The following GABRG3 variants were observed in gnomAD, a reference collection of about 807,000 sequenced individuals.
GABRG3 encodes gamma-aminobutyric acid receptor subunit gamma-3.
In GABRG3, 25 loss-of-function variants were observed where a neutral mutation model predicts 48.8. The ratio of observed to expected loss-of-function variants is 0.51; its 90% CI spans 0.37 to 0.72. The LOEUF (loss-of-function observed/expected upper bound fraction) is 0.72, where lower values mean the gene tolerates loss of function less well. GABRG3 is among the 30% of genes least tolerant of loss of function. The pLI is 0.00. For missense variants in GABRG3, 394 were observed against 577.9 expected (o/e 0.68, Z 3.26); for synonymous variants, 227 against 217.6 (o/e 1.04, Z -0.38).
At chr15:27,122,220 A>C (rs1232050042) in intron 3 of GABRG3, among the ~76,000 whole-genome samples, 2 of 152,204 alleles carry the variant, frequency 1.3e-5, no homozygotes, top group East Asian at 3.8e-4. Flanking sequence ...GTACCCCATA[A>C]ATATATACAC....
At chr15:27,172,143 C>T (rs1168898532) in intron 3 of GABRG3, among the ~76,000 whole-genome samples, 16 of 152,168 alleles carry the variant, frequency 1.1e-4, no homozygotes, top group Non-Finnish European at 2.9e-5. Context: ...AGTTAAATTT[C>T]AACATGAGTT....
chr15:27,369,036 G>A (rs1157749134), intron 5 of GABRG3, among the ~76,000 whole-genome samples: 1 of 152,140 alleles, frequency 6.6e-6, no homozygotes, highest in Non-Finnish European at 1.5e-5. Context: ...AGTTTTATAT[G>A]TTCACCATCC....
intron 5 of GABRG3, among the ~76,000 whole-genome samples, chr15:27,428,678 C>G (rs1007601490): frequency 6.6e-6 from 1 of 152,090 alleles, no homozygotes; most frequent in African/African-American, 2.4e-5. Flanking sequence ...ATTTGTCCAC[C>G]AGACAAAAAT....
At position 27,352,661 on chromosome 15, in the gene GABRG3, C is replaced by A. The variant is rs1177881431; in HGVS notation, c.574+23773C>A. On this transcript the variant is annotated intron_variant, in intron 5 of 9. Transcript: ENST00000615808. The surrounding 1 kb of genome is among the most constrained non-coding windows in gnomAD (Gnocchi z 4.0). ...AGGAAGCCCCCTGCCAAGGCAGCAG[C>A]CACATACCAAACCGTTGGGTGATAT... Among the ~76,000 whole-genome samples the A allele has an allele frequency of 6.6e-6, 1 of 152,082 alleles. No homozygotes were observed.
rs1248610503 is a variant in GABRG3 at position 27,329,365 on chromosome 15, A to G, written c.574+477A>G. On this transcript the variant is annotated intron_variant, in intron 5 of 9. Transcript: ENST00000615808. ...TGCAACCTCTGCCTCCCGGGATTCA[A>G]GTGATTCTCCTGCCTCAGCCTCCTA... Among the ~76,000 whole-genome samples, 4 of 152,130 alleles carry G rather than the reference A, an allele frequency of 2.6e-5. No individual in the cohort carries two copies. The East Asian group carries it at 7.7e-4, about 29-fold the overall frequency.
chr15:27,471,749 T>C (rs1025019708), intron 5 of GABRG3, among the ~76,000 whole-genome samples: 2 of 152,206 alleles, frequency 1.3e-5, no homozygotes, highest in Non-Finnish European at 2.9e-5. Flanking sequence ...ATAAACACCT[T>C]CTTCCTCCTA....
At chr15:27,211,317 G>A (rs1391363037) in intron 3 of GABRG3, among the ~76,000 whole-genome samples, 1 of 152,182 alleles carries the variant, frequency 6.6e-6, no homozygotes, top group East Asian at 1.9e-4. Context: ...AACAGGAACT[G>A]TGAAACCATT....
rs552950976 is a variant in GABRG3, at chr15:27,046,799, C to T, written c.270+19978C>T. 2.1e-3 allele frequency among the ~76,000 whole-genome samples: 324 copies of T among 152,234 alleles called. 1 individual carries two copies. The highest frequency in any genetic ancestry group is 5.4e-3 in the South Asian group (26 of 4,824). On this transcript the variant is annotated intron_variant, in intron 3 of 9. Transcript: ENST00000615808. ...GAGAGGAAGAGGATGTTCATTTTGCCGTTGTCTTTCAGCTTTTTCTTTTGG... is the reference window on the plus strand; with the variant it reads ...GAGAGGAAGAGGATGTTCATTTTGCTGTTGTCTTTCAGCTTTTTCTTTTGG...
In GABRG3 at chr15:27,087,232, T is replaced by C. The variant is rs1897092274; in HGVS notation, c.270+60411T>C. 2.0e-5 allele frequency among the ~76,000 whole-genome samples: 3 copies of C among 152,108 alleles called. No homozygotes were observed. In the South Asian group the frequency reaches 6.2e-4, roughly 32 times the overall value. ...TGCTCAGTGAGGTGCAGCGGGCATGTCTATGCCATGCCAGGGCATGGGAGC... is the reference window on the plus strand; with the variant it reads ...TGCTCAGTGAGGTGCAGCGGGCATGCCTATGCCATGCCAGGGCATGGGAGC... On this transcript the variant is annotated intron_variant, in intron 3 of 9. Coordinates refer to ENST00000615808, the MANE Select transcript of GABRG3 (RefSeq NM_033223.5).
intron 3 of GABRG3, among the ~76,000 whole-genome samples, chr15:27,270,191 C>A (rs1483946511): frequency 6.6e-6 from 1 of 152,086 alleles, no homozygotes; most frequent in Non-Finnish European, 1.5e-5. Flanking sequence ...AGTTTTTCTC[C>A]ATTAATATTA....
At chr15:27,453,620 TAGAC>T (rs1360036850) in intron 5 of GABRG3, among the ~76,000 whole-genome samples, 1 of 152,144 alleles carries the variant, frequency 6.6e-6, no homozygotes, top group Non-Finnish European at 1.5e-5. Flanking sequence ...TTTGTTTGTT[TAGAC>T]AGAGTTTCAC....
chr15:27,462,054 CT>C (rs2150836062), intron 5 of GABRG3, among the ~76,000 whole-genome samples: 1 of 152,288 alleles, frequency 6.6e-6, no homozygotes, highest in East Asian at 1.9e-4. Flanking sequence ...CTCATCTGCC[CT>C]TGCTCAGTTG....
At chr15:27,403,908 AAAAAAC>A (rs1427552024) in intron 5 of GABRG3, among the ~76,000 whole-genome samples, 3 of 126,006 alleles carry the variant, frequency 2.4e-5, no homozygotes, top group African/African-American at 1.2e-4. Flanking sequence ...CAGACTCAAA[AAAAAAC>A]AAAAAAAAAA....
intron 3 of GABRG3, among the ~76,000 whole-genome samples, chr15:27,097,286 G>A (rs1288974946): frequency 6.6e-6 from 1 of 152,090 alleles, no homozygotes; most frequent in Non-Finnish European, 1.5e-5. Flanking sequence ...GGCTGCAGAT[G>A]TTTTGAGGCA....
At chr15:27,488,552 G>A (rs1280273042) in intron 6 of GABRG3, among the ~76,000 whole-genome samples, 3 of 152,154 alleles carry the variant, frequency 2.0e-5, no homozygotes, top group Non-Finnish European at 2.9e-5. Flanking sequence ...GAGCTTCAAA[G>A]CAGACAGCAA....
At chr15:27,190,209 G>C (rs1888246698) in intron 3 of GABRG3, among the ~76,000 whole-genome samples, 1 of 152,072 alleles carries the variant, frequency 6.6e-6, no homozygotes, top group South Asian at 2.1e-4. Flanking sequence ...TGTCTCTGCT[G>C]GGCTTTGGTA....
intron 3 of GABRG3, among the ~76,000 whole-genome samples, chr15:27,266,320 A>G (rs1361223618): frequency 6.6e-6 from 1 of 151,442 alleles, no homozygotes; most frequent in Admixed American, 6.6e-5. Context: ...ATCTTTCAGT[A>G]CTTTATGCTG....
chr15:27,308,376 T>TACG (rs1892811987), intron 3 of GABRG3, among the ~76,000 whole-genome samples: 5 of 138,824 alleles, frequency 3.6e-5, no homozygotes, highest in Admixed American at 7.4e-5. Flanking sequence ...CATATAAACA[T>TACG]TTGTTTATAT....
intron 5 of GABRG3, among the ~76,000 whole-genome samples, chr15:27,387,123 A>T (rs1895946276): frequency 6.6e-6 from 1 of 152,114 alleles, no homozygotes; most frequent in Admixed American, 6.5e-5. Context: ...AAGGAAACTG[A>T]CTGTACAATA....
Sources: allele counts gnomAD v4.1 joint callset (sites outside exome capture counted in the v4.1 genomes callset), GRCh38; gene constraint gnomAD v4.1.1; non-coding constraint Gnocchi (gnomAD v3.1); transcripts MANE v1.5; gene names NCBI Gene and HGNC (gene_info 2026-07-23, HGNC 2026-07-21).